KIF3B: variants seen among roughly 807,000 people sequenced by gnomAD.
KIF3B encodes kinesin family member 3B.
Under a neutral mutation model 74.3 loss-of-function variants are expected in KIF3B, and 38 were observed. The observed-to-expected ratio is 0.51, with a 90% confidence interval of 0.39 to 0.67. The LOEUF is 0.67. Ranked by LOEUF, KIF3B falls within the 30% of genes least tolerant of loss-of-function variation. The pLI is 0.00. For synonymous variants in KIF3B, 326 were observed against 342.5 expected (o/e 0.95, Z 0.53); for missense variants, 649 against 932.0 (o/e 0.70, Z 3.95).
At position 32,332,034 on chromosome 20, in the gene KIF3B, T is replaced by C. The variant is rs756914838; in HGVS notation, c.*715T>C. 4 of 152,680 alleles carry C rather than the reference T, an allele frequency of 2.6e-5. No individual in the cohort carries two copies. The highest frequency in any genetic ancestry group is 6.5e-5 in the Admixed American group (1 of 15,282). The allele number at this position is 152,680 out of a possible 1,614,324, so 9.5% of individuals were successfully genotyped here. A position where few individuals can be genotyped will look rare whatever the true frequency, so the allele number is the denominator to read the frequency against. Reference sequence around the variant, plus strand: ...CTGAGTGTTTAGGGAAATAGCTTCTTTAAAACCTCAAAACCATGACCATCC... The same window carrying C: ...CTGAGTGTTTAGGGAAATAGCTTCTCTAAAACCTCAAAACCATGACCATCC... On this transcript the variant is annotated 3_prime_UTR_variant, in exon 9 of 9. Coordinates refer to ENST00000375712, the MANE Select transcript of KIF3B (RefSeq NM_004798.4).
chr20:32,309,749 C>G lies in KIF3B; in HGVS notation c.-29C>G, dbSNP rs888163645. On this transcript the variant is annotated 5_prime_UTR_variant, in exon 2 of 9. Transcript: ENST00000375712. ...CCTGAGACATTTTGAATTGACACTT[C>G]TCAAGATTTGACTGGATCAGAGTTC... 1.2e-4 allele frequency: 185 copies of G among 1,589,608 alleles called. No individual in the cohort carries two copies. Among genetic ancestry groups the G allele is most frequent in the Non-Finnish European group, 1.5e-4 (177 of 1,167,402 alleles).
intron 7 of KIF3B, among the ~76,000 whole-genome samples, chr20:32,328,495 A>G (rs2047915000): frequency 6.6e-6 from 1 of 151,772 alleles, no homozygotes. Context: ...AATCCCAGCT[A>G]CTCGGGAGGC....
At chr20:32,323,629 A>G (rs2047888086) in intron 5 of KIF3B, among the ~76,000 whole-genome samples, 1 of 152,128 alleles carries the variant, frequency 6.6e-6, no homozygotes, top group Non-Finnish European at 1.5e-5. Context: ...CTGTAATCCC[A>G]GCACTTTGGG....
intron 5 of KIF3B, among the ~76,000 whole-genome samples, chr20:32,317,300 G>C (rs2047833194): frequency 6.6e-6 from 1 of 152,100 alleles, no homozygotes; most frequent in Non-Finnish European, 1.5e-5. Context: ...CCCATGTTCT[G>C]TTCATTCCTG....
intron 1 of KIF3B, among the ~76,000 whole-genome samples, chr20:32,304,454 T>A (rs925490819): frequency 1.3e-5 from 2 of 152,236 alleles, no homozygotes; most frequent in Admixed American, 1.3e-4. Flanking sequence ...CTTCTAGGAA[T>A]TGATGCTTAC....
In KIF3B at chr20:32,322,688, ATT is replaced by A. The variant is rs1555896680; in HGVS notation, c.1749-4081_1749-4080del. Among the ~76,000 whole-genome samples the A allele has an allele frequency of 8.6e-5, 4 of 46,544 alleles. 1 individual carries two copies. The African/African-American group carries it at 1.3e-3, about 15-fold the overall frequency. 30.5% of individuals were successfully genotyped at this position (46,544 alleles called of 152,430 possible). A position where few individuals can be genotyped will look rare whatever the true frequency, so the allele number is the denominator to read the frequency against. ...TATATATATTTATATATTTATATAT[ATT>A]TATATATATTTATATATTTATATAT... is the stretch of plus-strand genomic sequence containing the variant. On this transcript the variant is annotated intron_variant, in intron 5 of 8. Coordinates refer to ENST00000375712, the MANE Select transcript of KIF3B (RefSeq NM_004798.4).
intron 1 of KIF3B, among the ~76,000 whole-genome samples, chr20:32,296,359 T>C (rs1231894306): frequency 6.6e-6 from 1 of 152,082 alleles, no homozygotes; most frequent in Non-Finnish European, 1.5e-5. Flanking sequence ...TAAACACACT[T>C]TGGGAGGCTG....
At chr20:32,278,324 CT>C (rs1225675489) in intron 1 of KIF3B, among the ~76,000 whole-genome samples, 1 of 151,890 alleles carries the variant, frequency 6.6e-6, no homozygotes, top group Non-Finnish European at 1.5e-5. Context: ...CTGTGTGGCC[CT>C]GGGCAAGTTA....
intron 1 of KIF3B, among the ~76,000 whole-genome samples, chr20:32,284,258 C>G (rs2047657457): frequency 1.3e-5 from 2 of 151,966 alleles, no homozygotes; most frequent in African/African-American, 4.8e-5. Context: ...ATTTGTATAA[C>G]TTTGCAGTTT....
Position 32,311,178 on chromosome 20 carries a change from C to G in KIF3B, c.1401C>G (p.Ile467Met). Residue 467 changes from isoleucine to methionine, a missense_variant, in exon 2 of 9, where the codon ATC becomes ATG. Transcript: ENST00000375712. ...KDAAEMLGAK[I>M]KAMESKLLVG... is the part of the protein sequence containing the mutation. ...CTGCCGAGATGCTGGGCGCCAAGAT[C>G]AAGGTACCATACCCGTACCCTTCCT... is the stretch of plus-strand genomic sequence containing the variant. 1 of 1,606,762 alleles carries G rather than the reference C, an allele frequency of 6.2e-7. No individual in the cohort carries two copies. Among genetic ancestry groups the G allele is most frequent in the Non-Finnish European group, 8.5e-7 (1 of 1,176,942 alleles).
At position 32,285,122 on chromosome 20, in the gene KIF3B, A is replaced by G. The variant is rs117591944; in HGVS notation, c.-66+7357A>G. ...ACCAAAAAAAAAAAAAAAAACAGTGACTTGAAAGAATGTTTGAGAAAATCA... is the reference window on the plus strand; with the variant it reads ...ACCAAAAAAAAAAAAAAAAACAGTGGCTTGAAAGAATGTTTGAGAAAATCA... On this transcript the variant is annotated intron_variant, in intron 1 of 8. Transcript: ENST00000375712. 9.2e-3 allele frequency among the ~76,000 whole-genome samples: 1,382 copies of G among 150,514 alleles called. 61 individuals are homozygous for G. Among genetic ancestry groups the G allele is most frequent in the Admixed American group, 0.072 (1,093 of 15,076 alleles).
chr20:32,310,139 A>G lies in KIF3B; in HGVS notation c.362A>G (p.Asn121Ser), dbSNP rs2047792291. ...GDPEKRGVIP[N>S]SFDHIFTHIS... ...CCTGAAAAAAGAGGAGTCATTCCTA[A>G]CTCATTTGACCATATCTTCACCCAC... Residue 121 changes from asparagine to serine, a missense_variant, in exon 2 of 9, where the codon AAC becomes AGC. Transcript: ENST00000375712. The surrounding 1 kb of genome is among the most constrained non-coding windows in gnomAD (Gnocchi z 6.5). 1 of 1,614,084 alleles carries G rather than the reference A, an allele frequency of 6.2e-7. No homozygotes were observed. The highest frequency in any genetic ancestry group is 8.5e-7 in the Non-Finnish European group (1 of 1,179,960).
chr20:32,323,223 AATG>A (rs1207967501), intron 5 of KIF3B, among the ~76,000 whole-genome samples: 1 of 138,800 alleles, frequency 7.2e-6, no homozygotes, highest in Non-Finnish European at 1.5e-5. Context: ...TTGTCTACAC[AATG>A]ATATTTTTAT....
intron 1 of KIF3B, among the ~76,000 whole-genome samples, chr20:32,283,375 G>A (rs1485068959): frequency 5.3e-5 from 8 of 151,766 alleles, no homozygotes; most frequent in East Asian, 1.9e-4. Context: ...GTGGTGGTGC[G>A]CACCTGTAAT....
intron 1 of KIF3B, among the ~76,000 whole-genome samples, chr20:32,294,548 C>G (rs1024081210): frequency 2.0e-5 from 3 of 152,120 alleles, no homozygotes; most frequent in Admixed American, 1.3e-4. Flanking sequence ...ATATTACCTG[C>G]ATTTCATGAG....
Position 32,310,514 on chromosome 20 carries a change from T to G in KIF3B, c.737T>G (p.Leu246Arg). 1 of 1,613,972 alleles carries G rather than the reference T, an allele frequency of 6.2e-7. No homozygotes were observed. Among genetic ancestry groups the G allele is most frequent in the Non-Finnish European group, 8.5e-7 (1 of 1,180,020 alleles). ...GTAGGAAAATTGAACCTTGTAGATC[T>G]TGCTGGCAGCGAACGGCAAGCCAAG... ...IRVGKLNLVDLAGSERQAKTG... is the reference protein window; with the variant it reads ...IRVGKLNLVDRAGSERQAKTG... Residue 246 changes from leucine to arginine, a missense_variant, in exon 2 of 9, where the codon CTT becomes CGT. By Grantham distance (102) the Leu-to-Arg change is moderately radical. This residue lies in a region of KIF3B where 363 missense variants were observed against 592.8 expected (regional missense o/e 0.61). Transcript: ENST00000375712. The surrounding 1 kb of genome is among the most constrained non-coding windows in gnomAD (Gnocchi z 6.5).
intron 1 of KIF3B, among the ~76,000 whole-genome samples, chr20:32,306,152 T>C (rs184899611): frequency 0.035 from 5,329 of 150,452 alleles, 135 homozygotes; most frequent in Middle Eastern, 0.06. Flanking sequence ...CCCAGCACTT[T>C]GGGAGGCCGA....
intron 6 of KIF3B, 116 bp from the exon 7 acceptor site, chr20:32,327,440 C>A: frequency 1.4e-6 from 1 of 722,784 alleles, no homozygotes. Context: ...ATTTCCCGTC[C>A]CACTTACGTC....
chr20:32,278,249 A>G (rs539216374), intron 1 of KIF3B, among the ~76,000 whole-genome samples: 1 of 152,168 alleles, frequency 6.6e-6, no homozygotes, highest in African/African-American at 2.4e-5. Context: ...GGCACCCTAG[A>G]TGGGAGACCA....
Sources: allele counts gnomAD v4.1 joint callset (sites outside exome capture counted in the v4.1 genomes callset), GRCh38; gene constraint gnomAD v4.1.1; regional missense constraint gnomAD v4.1.1; non-coding constraint Gnocchi (gnomAD v3.1); transcripts MANE v1.5; gene names NCBI Gene and HGNC (gene_info 2026-07-23, HGNC 2026-07-21).